CHODL: variants seen among roughly 807,000 people sequenced by gnomAD.
The protein encoded by CHODL is transmembrane protein MT75.
In CHODL, 29 loss-of-function variants were observed where a neutral mutation model predicts 34.5. The ratio of observed to expected loss-of-function variants is 0.84; its 90% CI spans 0.63 to 1.15. CHODL has a LOEUF of 1.15. CHODL is among the 50% of genes most tolerant of loss of function. CHODL has a pLI of 0.00. For missense variants in CHODL, 332 were observed against 332.5 expected (o/e 1.00, Z 0.01); for synonymous variants, 125 against 116.1 (o/e 1.08, Z -0.49).
chr21:18,025,730 G>T (rs868317898), intron 1 of CHODL, among the ~76,000 whole-genome samples: 1 of 152,188 alleles, frequency 6.6e-6, no homozygotes, highest in African/African-American at 2.4e-5. Context: ...AGAAGGCTGC[G>T]ATCAAAGTGT....
At chr21:18,126,111 A>G (rs540165755) in intron 2 of CHODL, among the ~76,000 whole-genome samples, 1 of 152,240 alleles carries the variant, frequency 6.6e-6, no homozygotes, top group South Asian at 2.1e-4. Flanking sequence ...GCAGTGAGCT[A>G]TAATTATGCC....
intron 1 of CHODL, among the ~76,000 whole-genome samples, chr21:17,935,578 A>AT (rs1242730866): frequency 6.6e-6 from 1 of 152,234 alleles, no homozygotes; most frequent in Non-Finnish European, 1.5e-5. Flanking sequence ...TAAGTGACAA[A>AT]TGTCAAGAAT....
intron 2 of CHODL, among the ~76,000 whole-genome samples, chr21:18,036,699 T>A (rs2064315035): frequency 6.6e-6 from 1 of 152,062 alleles, no homozygotes; most frequent in South Asian, 2.1e-4. Context: ...GGAAAGCTTT[T>A]CTAATTTTTT....
chr21:18,254,291 A>C lies in CHODL; in HGVS notation c.80-2218A>C, dbSNP rs377268721. On this transcript the variant is annotated intron_variant, in intron 1 of 5. Coordinates refer to ENST00000299295, the MANE Select transcript of CHODL (RefSeq NM_024944.3). ...AATGTTAATGGAGATGAATTGTAAG[A>C]AAGTAGAGAAACTATTTCCTAATTT... 1.7e-4 allele frequency among the ~76,000 whole-genome samples: 25 copies of C among 146,722 alleles called. No homozygotes were observed. The East Asian group carries it at 1.7e-3, about 10-fold the overall frequency.
At chr21:18,169,446 T>G (rs2073200124) in intron 2 of CHODL, among the ~76,000 whole-genome samples, 1 of 151,136 alleles carries the variant, frequency 6.6e-6, no homozygotes, top group Non-Finnish European at 1.5e-5. Flanking sequence ...TTTTTTTTTA[T>G]CTTGATCTAT....
chr21:17,957,933 T>C (rs893291766), intron 1 of CHODL, among the ~76,000 whole-genome samples: 21 of 151,846 alleles, frequency 1.4e-4, no homozygotes, highest in Admixed American at 2.6e-4. Flanking sequence ...TCAAAAAATA[T>C]TGATTTAAAC....
At chr21:17,925,900 G>T (rs1396327150) in intron 1 of CHODL, among the ~76,000 whole-genome samples, 2 of 152,144 alleles carry the variant, frequency 1.3e-5, no homozygotes, top group Non-Finnish European at 2.9e-5. Flanking sequence ...GTTTCTTTGA[G>T]ATGTTTATTC....
intron 2 of CHODL, among the ~76,000 whole-genome samples, chr21:18,167,603 C>T (rs1277990420): frequency 3.3e-5 from 5 of 152,024 alleles, no homozygotes; most frequent in Non-Finnish European, 7.4e-5. Context: ...GCCACCGTGC[C>T]CGGCCTTTAT....
chr21:18,218,607 T>G (rs1489724107), intron 2 of CHODL, among the ~76,000 whole-genome samples: 1 of 152,172 alleles, frequency 6.6e-6, no homozygotes, highest in Non-Finnish European at 1.5e-5. Context: ...TTATGCAAAT[T>G]TCTGCAGTCA....
intron 2 of CHODL, among the ~76,000 whole-genome samples, chr21:18,216,634 A>C (rs556846165): frequency 1.3e-4 from 20 of 152,238 alleles, no homozygotes; most frequent in African/African-American, 4.3e-4. Context: ...TCGCACTGCT[A>C]TAAAAAATAC....
intron 2 of CHODL, among the ~76,000 whole-genome samples, chr21:18,086,328 A>G (rs1018360414): frequency 1.3e-5 from 2 of 152,048 alleles, no homozygotes; most frequent in Non-Finnish European, 2.9e-5. Flanking sequence ...TTAAATCAAT[A>G]TTTTAAATTT....
At chr21:18,265,823 A>G (rs2146835226) in intron 5 of CHODL, 131 bp from the exon 6 acceptor site, 2 of 626,876 alleles carry the variant, frequency 3.2e-6, no homozygotes, top group South Asian at 5.1e-5. Flanking sequence ...TTTTTGGAAG[A>G]ATGGGAAAAT....
intron 1 of CHODL, among the ~76,000 whole-genome samples, chr21:17,982,856 A>G (rs2063724999): frequency 6.6e-6 from 1 of 151,342 alleles, no homozygotes; most frequent in South Asian, 2.1e-4. Context: ...GATTACAGCC[A>G]TGAACCACCC....
chr21:18,246,013 G>C, intron 1 of CHODL: 2 of 1,317,000 alleles, frequency 1.5e-6, no homozygotes, highest in East Asian at 5.0e-5. Context: ...ATGGGAAATC[G>C]ATCAAAATTG....
rs149042781 is a variant in CHODL, at chr21:18,179,970, T to C, written c.-44-76539T>C. 1.7e-3 allele frequency among the ~76,000 whole-genome samples: 257 copies of C among 152,312 alleles called. 1 individual carries two copies. The highest frequency in any genetic ancestry group is 3.1e-3 in the Non-Finnish European group (213 of 68,008). ...ATATTAAGGGTATGGGCTCTAGTGA[T>C]ACCATAGCTCTGCTACTTTATTCTG... On this transcript the variant is annotated intron_variant, in intron 2 of 6. Transcript: ENST00000400127.
At chr21:18,032,962 C>G (rs929404359) in intron 2 of CHODL, among the ~76,000 whole-genome samples, 1 of 151,970 alleles carries the variant, frequency 6.6e-6, no homozygotes, top group Non-Finnish European at 1.5e-5. Flanking sequence ...CAAAAGGGAA[C>G]AAATTCTTGT....
chr21:18,095,730 T>C (rs556130097), intron 2 of CHODL, among the ~76,000 whole-genome samples: 1 of 152,324 alleles, frequency 6.6e-6, no homozygotes. Context: ...ATATCTCTGA[T>C]GAATATTAAT....
intron 2 of CHODL, among the ~76,000 whole-genome samples, chr21:18,129,357 A>G (rs2072624013): frequency 6.6e-6 from 1 of 152,090 alleles, no homozygotes; most frequent in African/African-American, 2.4e-5. Flanking sequence ...GATATTTTGC[A>G]TGACAAGCCT....
At chr21:18,154,271 A>G (rs1003702943) in intron 2 of CHODL, among the ~76,000 whole-genome samples, 2 of 152,106 alleles carry the variant, frequency 1.3e-5, no homozygotes, top group African/African-American at 4.8e-5. Flanking sequence ...ATTTGACTAC[A>G]TCTTTTTTTT....
Sources: gnomAD v4.1 joint callset for allele counts (sites outside exome capture counted in the v4.1 genomes callset) on GRCh38, gnomAD v4.1.1 for gene constraint, MANE v1.5 for transcripts, NCBI Gene and HGNC (gene_info 2026-07-23, HGNC 2026-07-21) for gene names.